Variants in KIAA1217 observed in about 807,000 individuals in gnomAD.
The protein encoded by KIAA1217 is KIAA1217.
KIAA1217 carries 88 observed loss-of-function variants against 163.9 expected under a neutral mutation model. The observed-to-expected ratio is 0.54, with a 90% CI of 0.45 to 0.64. KIAA1217 has a LOEUF of 0.64. Among genes scored for constraint, KIAA1217 ranks in the 30% least tolerant of loss-of-function variants. The pLI is 0.00. For synonymous variants in KIAA1217, 903 were observed against 923.1 expected, an observed-to-expected ratio of 0.98 and a Z score of 0.39; for missense variants, 2,372 against 2,475.0, an observed-to-expected ratio of 0.96 and a Z score of 0.88.
chr10:23,906,990 T>A (rs1213837543), intron 1 of KIAA1217, among the ~76,000 whole-genome samples: 1 of 152,112 alleles, frequency 6.6e-6, no homozygotes, highest in Non-Finnish European at 1.5e-5. Flanking sequence ...ACTGAAATAT[T>A]TATACACTGA....
chr10:24,537,010 T>C, intron 17 of KIAA1217, 117 bp downstream of exon 17: 1 of 1,215,508 alleles, frequency 8.2e-7, no homozygotes, highest in Non-Finnish European at 1.1e-6. Context: ...TCTCTCTTTT[T>C]TTTAACTAAT....
chr10:23,753,790 G>A (rs1185379576), intron 1 of KIAA1217, among the ~76,000 whole-genome samples: 1 of 152,160 alleles, frequency 6.6e-6, no homozygotes, highest in African/African-American at 2.4e-5. Context: ...AACTTTTGAA[G>A]AACCATCACG....
intron 14 of KIAA1217, among the ~76,000 whole-genome samples, chr10:24,531,167 T>C (rs2135034009): frequency 6.6e-6 from 1 of 152,262 alleles, no homozygotes; most frequent in South Asian, 2.1e-4. Flanking sequence ...ATCACACCAC[T>C]GCATTCCAGA....
intron 2 of KIAA1217, among the ~76,000 whole-genome samples, chr10:24,360,086 G>A (rs1247977133): frequency 5.4e-5 from 6 of 110,928 alleles, no homozygotes; most frequent in East Asian, 2.9e-4. Context: ...TTACTCTGTC[G>A]CCCAGGCCGG....
intron 1 of KIAA1217, among the ~76,000 whole-genome samples, chr10:23,976,566 T>C (rs1467823549): frequency 1.3e-5 from 2 of 152,150 alleles, no homozygotes; most frequent in Non-Finnish European, 2.9e-5. Flanking sequence ...ACTCAACCAG[T>C]ACAGATTTAA....
intron 2 of KIAA1217, among the ~76,000 whole-genome samples, chr10:24,036,692 C>T (rs1564625860): frequency 2.6e-5 from 4 of 152,072 alleles, no homozygotes; most frequent in East Asian, 1.9e-4. Flanking sequence ...GGGAGGGCCC[C>T]GACCCTTTTT....
At chr10:23,803,471 C>G (rs140072888) in intron 1 of KIAA1217, among the ~76,000 whole-genome samples, 2,971 of 152,332 alleles carry the variant, frequency 0.02, 49 homozygotes, top group Non-Finnish European at 0.027. Context: ...AAGGGCATCT[C>G]AGCCCCATCG....
At chr10:24,126,623 A>T (rs1025302082) in intron 2 of KIAA1217, among the ~76,000 whole-genome samples, 2 of 152,108 alleles carry the variant, frequency 1.3e-5, no homozygotes, top group African/African-American at 2.4e-5. Context: ...CCCTTCAGAG[A>T]CATTTTGAAT....
At chr10:24,146,203 A>G (rs1302630853) in intron 2 of KIAA1217, among the ~76,000 whole-genome samples, 1 of 151,502 alleles carries the variant, frequency 6.6e-6, no homozygotes, top group Admixed American at 6.6e-5. Flanking sequence ...CAAAAGGGTT[A>G]CATAAATAAT....
In KIAA1217 at chr10:24,544,222, C is replaced by T. The variant is rs769788570; in HGVS notation, c.4952C>T (p.Pro1651Leu). 11 of 1,613,854 alleles carry T rather than the reference C, an allele frequency of 6.8e-6. No homozygotes were observed. The highest frequency in any genetic ancestry group is 6.6e-5 in the South Asian group (6 of 91,076). Residue 1651 changes from proline (P) to leucine (L), a missense_variant, in exon 19 of 21, where the codon CCG becomes CTG. By Grantham distance (98) the Pro-to-Leu change is moderately conservative. Coordinates refer to ENST00000376454, the MANE Select transcript of KIAA1217 (RefSeq NM_019590.5). Reference sequence around the variant, plus strand: ...CAGCCCAGCATCGAGAGTACATCTCCGATTTCAAGAACTGATGAAATTAGA... The same window carrying T: ...CAGCCCAGCATCGAGAGTACATCTCTGATTTCAAGAACTGATGAAATTAGA... ...QEQPSIESTS[P>L]ISRTDEIRKN...
intron 2 of KIAA1217, among the ~76,000 whole-genome samples, chr10:24,242,465 A>G (rs1382690494): frequency 6.6e-6 from 1 of 152,194 alleles, no homozygotes; most frequent in African/African-American, 2.4e-5. Flanking sequence ...CATGGTGAAC[A>G]TGTACCACAT....
At chr10:24,545,566 G>A (rs2075645981) in intron 20 of KIAA1217, 1 of 1,354,202 alleles carries the variant, frequency 7.4e-7, no homozygotes, top group Non-Finnish European at 9.4e-7. Context: ...TGGCACACAG[G>A]AAATGGTAGA....
At chr10:24,213,355 C>A (rs1182417565) in intron 1 of KIAA1217, among the ~76,000 whole-genome samples, 1 of 152,128 alleles carries the variant, frequency 6.6e-6, no homozygotes, top group Non-Finnish European at 1.5e-5. Context: ...TTCCTAAGGT[C>A]TTGAAACCTC....
chr10:24,015,690 G>A (rs1381117616), intron 2 of KIAA1217, among the ~76,000 whole-genome samples: 1 of 151,352 alleles, frequency 6.6e-6, no homozygotes, highest in Non-Finnish European at 1.5e-5. Flanking sequence ...AGGAGGCAGA[G>A]GTTGCAGTGA....
chr10:24,490,069 G>C (rs73604493), intron 6 of KIAA1217, among the ~76,000 whole-genome samples: 1,648 of 152,204 alleles, frequency 0.011, 36 homozygotes, highest in African/African-American at 0.038. Flanking sequence ...ACTGGAAACA[G>C]CACTTCCCTG....
chr10:24,045,526 A>G (rs984274594), intron 2 of KIAA1217, among the ~76,000 whole-genome samples: 4 of 151,812 alleles, frequency 2.6e-5, no homozygotes, highest in African/African-American at 9.7e-5. Flanking sequence ...TCTTTCCCTT[A>G]TATTTTTAAG....
chr10:24,518,106 C>T (rs2070488388), intron 10 of KIAA1217, among the ~76,000 whole-genome samples: 1 of 152,210 alleles, frequency 6.6e-6, no homozygotes, highest in Non-Finnish European at 1.5e-5. Flanking sequence ...AAACTGCATG[C>T]TTCTTTTTAA....
At chr10:23,973,482 G>C (rs921783938) in intron 1 of KIAA1217, among the ~76,000 whole-genome samples, 1 of 152,216 alleles carries the variant, frequency 6.6e-6, no homozygotes, top group Non-Finnish European at 1.5e-5. Context: ...CCCAAAGATA[G>C]ATTACCGTTC....
chr10:24,178,518 T>C (rs1257224412), intron 2 of KIAA1217, among the ~76,000 whole-genome samples: 2 of 152,218 alleles, frequency 1.3e-5, no homozygotes, highest in East Asian at 1.9e-4. Context: ...GCATCTGTTC[T>C]CCACCACCTT....
Sources: allele counts gnomAD v4.1 joint callset (sites outside exome capture counted in the v4.1 genomes callset), GRCh38; gene constraint gnomAD v4.1.1; transcripts MANE v1.5; gene names NCBI Gene and HGNC (gene_info 2026-07-23, HGNC 2026-07-21).